PIAS1: variants seen among roughly 807,000 people sequenced by gnomAD.
PIAS1 encodes the protein E3 SUMO-protein ligase PIAS1.
PIAS1 carries 6 observed loss-of-function variants against 71.3 expected under a neutral mutation model. The observed-to-expected ratio is 0.08, with a 90% confidence interval of 0.05 to 0.17. PIAS1 has a LOEUF of 0.17. Ranked by LOEUF, PIAS1 falls within the 10% of genes least tolerant of loss-of-function variation. The pLI is 1.00. For synonymous variants in PIAS1, 303 were observed against 292.9 expected (o/e 1.03, Z -0.35); for missense variants, 555 against 793.6 (o/e 0.70, Z 3.61).
chr15:68,168,791 C>A (rs1282640716), intron 8 of PIAS1, among the ~76,000 whole-genome samples: 1 of 152,012 alleles, frequency 6.6e-6, no homozygotes, highest in Non-Finnish European at 1.5e-5. Context: ...TTTCACATAC[C>A]CATTTATGTC....
At chr15:68,087,871 A>G in intron 2 of PIAS1, 1 of 335,428 alleles carries the variant, frequency 3.0e-6, no homozygotes, top group Non-Finnish European at 6.3e-6. Flanking sequence ...CGAAGATTAT[A>G]GGAGTCATTT....
At chr15:68,073,770 C>T (rs1049674386) in intron 1 of PIAS1, among the ~76,000 whole-genome samples, 1 of 151,932 alleles carries the variant, frequency 6.6e-6, no homozygotes, top group Non-Finnish European at 1.5e-5. Context: ...AGTAGGTGAT[C>T]ATGGAAAAGT....
At chr15:68,120,843 C>T (rs760720832) in intron 2 of PIAS1, among the ~76,000 whole-genome samples, 1 of 152,044 alleles carries the variant, frequency 6.6e-6, no homozygotes, top group African/African-American at 2.4e-5. Flanking sequence ...TTAGTAGAGA[C>T]AACTTTTCAC....
In PIAS1 at chr15:68,176,669, AT is replaced by A; in HGVS notation, c.1481+18del. On this transcript the variant is annotated intron_variant, in intron 11 of 13. Coordinates refer to ENST00000249636, the MANE Select transcript of PIAS1 (RefSeq NM_016166.3). ...AATAATAAAGGGTAAGTGCTGAGACATTTAAAAAAAAAAGTAATCATGAAAA... is the reference window on the plus strand; with the variant it reads ...AATAATAAAGGGTAAGTGCTGAGACATTAAAAAAAAAAGTAATCATGAAAA... The A allele has an allele frequency of 6.7e-7, 1 of 1,502,184 alleles. No homozygotes were observed. Among genetic ancestry groups the A allele is most frequent in the South Asian group, 1.3e-5 (1 of 76,634 alleles). 93.1% of individuals were successfully genotyped at this position (1,502,184 alleles called of 1,614,324 possible).
rs758655469 is a variant in PIAS1 at position 68,173,948 on chromosome 15, T to C, written c.1169+56T>C. 2 of 1,136,924 alleles carry C rather than the reference T, an allele frequency of 1.8e-6. No individual in the cohort carries two copies. Among genetic ancestry groups the C allele is most frequent in the Non-Finnish European group, 2.3e-6 (2 of 854,412 alleles). 70.4% of individuals were successfully genotyped at this position (1,136,924 alleles called of 1,614,324 possible). On this transcript the variant is annotated intron_variant, in intron 9 of 13. Coordinates refer to ENST00000249636, the MANE Select transcript of PIAS1 (RefSeq NM_016166.3). This position sits in a 1 kb window ranked among gnomAD's most constrained non-coding sequence, Gnocchi z 4.3. ...GAAATGACCATATATTATCTGGGTT[T>C]GTTACACATCAGATTTGGGATGAAA... is the stretch of plus-strand genomic sequence containing the variant.
At chr15:68,175,273 A>G (rs2093014313) in intron 9 of PIAS1, among the ~76,000 whole-genome samples, 1 of 152,242 alleles carries the variant, frequency 6.6e-6, no homozygotes, top group South Asian at 2.1e-4. Context: ...TTATCAAATA[A>G]GACATGCTTA....
chr15:68,062,671 T>C, intron 1 of PIAS1, among the ~76,000 whole-genome samples: 1 of 152,238 alleles, frequency 6.6e-6, no homozygotes, highest in East Asian at 1.9e-4. Flanking sequence ...TTTCTCTGCA[T>C]GGGCATTTAA....
At position 68,135,672 on chromosome 15, in the gene PIAS1, A is replaced by ACC. The variant is rs1313308654; in HGVS notation, c.470-6270_470-6269dup. Among the ~76,000 whole-genome samples, 140 of 44,142 alleles carry ACC rather than the reference A, an allele frequency of 3.2e-3. 1 individual carries two copies. Among genetic ancestry groups the ACC allele is most frequent in the African/African-American group, 7.0e-3 (110 of 15,698 alleles). 29.0% of individuals were successfully genotyped at this position (44,142 alleles called of 152,430 possible). On this transcript the variant is annotated intron_variant, in intron 2 of 13. Transcript: ENST00000249636. ...GGGGTGGCTGGCCTGGCGGGGGCTGACCCCCACCTCCCTCCCGGACGGGGT... is the reference window on the plus strand; with the variant it reads ...GGGGTGGCTGGCCTGGCGGGGGCTGACCCCCCCACCTCCCTCCCGGACGGGGT...
intron 6 of PIAS1, among the ~76,000 whole-genome samples, chr15:68,148,429 C>G (rs2092822948): frequency 6.6e-6 from 1 of 151,966 alleles, no homozygotes; most frequent in South Asian, 2.1e-4. Context: ...TAAGGATTTT[C>G]TTTTTCTTTT....
rs1188597351 is a variant in PIAS1, at chr15:68,174,417, C to T, written c.1169+525C>T. Reference sequence around the variant, plus strand: ...TTAACACCTCTTTGTTTTATCTATCCTACCAGACATCTTGGAATGTTCCTC... The same window carrying T: ...TTAACACCTCTTTGTTTTATCTATCTTACCAGACATCTTGGAATGTTCCTC... On this transcript the variant is annotated intron_variant, in intron 9 of 13. Transcript: ENST00000249636. The surrounding 1 kb of genome is among the most constrained non-coding windows in gnomAD (Gnocchi z 4.0). 1.3e-5 allele frequency among the ~76,000 whole-genome samples: 2 copies of T among 152,190 alleles called. No individual in the cohort carries two copies. Among genetic ancestry groups the T allele is most frequent in the Admixed American group, 6.5e-5 (1 of 15,274 alleles).
At chr15:68,181,697 A>G (rs981326587) in intron 12 of PIAS1, 2 of 190,858 alleles carry the variant, frequency 1.0e-5, no homozygotes, top group Non-Finnish European at 2.2e-5. Context: ...GCCGTGGGGA[A>G]CGGAGTCTTG....
intron 2 of PIAS1, among the ~76,000 whole-genome samples, chr15:68,102,677 A>T (rs1177371067): frequency 6.6e-6 from 1 of 152,106 alleles, no homozygotes; most frequent in Non-Finnish European, 1.5e-5. Context: ...TTAGACCTGT[A>T]CTTAAATATT....
In PIAS1 at chr15:68,188,064, T is replaced by TAA. The variant is rs372768631; in HGVS notation, c.*239_*240dup. On this transcript the variant is annotated 3_prime_UTR_variant, in exon 14 of 14. Transcript: ENST00000249636. ...CTGCCTGTGTGATAAAACACTTGTT[T>TAA]AAAAAAAAAAAGGAAAGAAAAGAAA... 8.4e-5 allele frequency: 23 copies of TAA among 272,716 alleles called. No individual in the cohort carries two copies. Among genetic ancestry groups the TAA allele is most frequent in the East Asian group, 1.8e-4 (3 of 16,756 alleles). The allele number at this position is 272,716 out of a possible 1,614,324, so 16.9% of individuals were successfully genotyped here.
At chr15:68,114,863 GCA>G (rs2092552382) in intron 2 of PIAS1, among the ~76,000 whole-genome samples, 1 of 151,626 alleles carries the variant, frequency 6.6e-6, no homozygotes, top group Admixed American at 6.6e-5. Context: ...TTTTCTTTCT[GCA>G]CTTTTTATGT....
chr15:68,188,013 T>TTTTAC lies in PIAS1; in HGVS notation c.*182_*186dup. The TTTTAC allele has an allele frequency of 2.0e-6, 1 of 500,506 alleles. No homozygotes were observed. The highest frequency in any genetic ancestry group is 3.5e-6 in the Non-Finnish European group (1 of 285,982). 31.0% of individuals were successfully genotyped at this position (500,506 alleles called of 1,614,324 possible). A position where few individuals can be genotyped will look rare whatever the true frequency, so the allele number is the denominator to read the frequency against. On this transcript the variant is annotated 3_prime_UTR_variant, in exon 14 of 14. Coordinates refer to ENST00000249636, the MANE Select transcript of PIAS1 (RefSeq NM_016166.3). ...ACAGAGAACAAAACTATATTTTCAG[T>TTTTAC]TTTACTTTTGTATATAAATCTAAGA...
chr15:68,136,408 C>A (rs1188290023), intron 2 of PIAS1, among the ~76,000 whole-genome samples: 1 of 41,718 alleles, frequency 2.4e-5, no homozygotes, highest in African/African-American at 5.0e-5. Context: ...GAGACCAGCC[C>A]GGCCAACACA....
intron 1 of PIAS1, among the ~76,000 whole-genome samples, chr15:68,084,112 A>G (rs750578996): frequency 2.0e-5 from 3 of 152,196 alleles, no homozygotes; most frequent in Non-Finnish European, 2.9e-5. Flanking sequence ...TCTGCATTGC[A>G]TCTGAATCTT....
chr15:68,175,156 G>A (rs370572085), intron 9 of PIAS1, among the ~76,000 whole-genome samples: 13 of 152,046 alleles, frequency 8.6e-5, no homozygotes, highest in South Asian at 4.1e-4. Flanking sequence ...GAATTTGGCC[G>A]TAATTAATTT....
intron 2 of PIAS1, among the ~76,000 whole-genome samples, chr15:68,139,419 C>T (rs2092754964): frequency 1.3e-5 from 2 of 152,136 alleles, no homozygotes; most frequent in Non-Finnish European, 2.9e-5. Flanking sequence ...CTTATTTGAT[C>T]ATAAGTACCT....
Sources: gnomAD v4.1 joint callset for allele counts (sites outside exome capture counted in the v4.1 genomes callset) on GRCh38, gnomAD v4.1.1 for gene constraint, Gnocchi (gnomAD v3.1) non-coding constraint, MANE v1.5 for transcripts, NCBI Gene and HGNC (gene_info 2026-07-23, HGNC 2026-07-21) for gene names.